The following PRPF19 variants were observed in gnomAD, a reference collection of about 807,000 sequenced individuals.
The protein encoded by PRPF19 is pre-mRNA-processing factor 19.
A neutral mutation model predicts 64.2 loss-of-function variants in PRPF19; 2 were observed. The observed-to-expected ratio is 0.03, with a 90% confidence interval of 0.01 to 0.10. The LOEUF is 0.10. Among genes scored for constraint, PRPF19 ranks in the 10% least tolerant of loss-of-function variants. The probability of loss-of-function intolerance (pLI) is 1.00; values close to 1 mark genes in which losing one functional copy is unlikely to be tolerated. For missense variants in PRPF19, 314 were observed against 650.0 expected (o/e 0.48, Z 5.62); for synonymous variants, 226 against 251.6 (o/e 0.90, Z 0.96).
At chr11:60,906,273 AC>A in intron 1 of PRPF19, 90 bp downstream of exon 1, 1 of 1,491,750 alleles carries the variant, frequency 6.7e-7, no homozygotes, top group Non-Finnish European at 8.9e-7. Flanking sequence ...TCCCGCCTCC[AC>A]CCCGGCCCGG....
At chr11:60,896,224 TA>T (rs968042253) in intron 15 of PRPF19, among the ~76,000 whole-genome samples, 1 of 151,980 alleles carries the variant, frequency 6.6e-6, no homozygotes, top group Non-Finnish European at 1.5e-5. Flanking sequence ...TTCCCACTTA[TA>T]AAAAAAAGTT....
Position 60,903,541 on chromosome 11 carries a change from G to GA in PRPF19, c.170-7dup. The GA allele has an allele frequency of 6.2e-7, 1 of 1,613,788 alleles. No homozygotes were observed. Among genetic ancestry groups the GA allele is most frequent in the Non-Finnish European group, 8.5e-7 (1 of 1,179,844 alleles). ...GGGCCGGATTGGGTGAGCAACTGCC[G>GA]AAAGGGAAAGCAGGTATGAAGAACA... On this transcript the variant is annotated splice_polypyrimidine_tract_variant and splice_region_variant and intron_variant, in intron 2 of 15. Coordinates refer to ENST00000227524, the MANE Select transcript of PRPF19 (RefSeq NM_014502.5).
At chr11:60,897,651 G>A (rs1441428413) in intron 15 of PRPF19, 195 bp downstream of exon 15, 1 of 522,378 alleles carries the variant, frequency 1.9e-6, no homozygotes. Context: ...GCATGGAAGT[G>A]GCAGAACAAG....
At chr11:60,903,956 C>T in intron 1 of PRPF19, 95 bp from the exon 2 acceptor site, 1 of 1,446,800 alleles carries the variant, frequency 6.9e-7, no homozygotes, top group African/African-American at 1.4e-5. Flanking sequence ...GACTAGGCAT[C>T]CTCACACTCA....
At chr11:60,901,254 G>T (rs77664855) in intron 8 of PRPF19, 41 bp downstream of exon 8, 2 of 1,606,374 alleles carry the variant, frequency 1.2e-6, no homozygotes, top group Non-Finnish European at 8.5e-7. Context: ...GAAACAAAAC[G>T]GGAGGGCTGT....
intron 1 of PRPF19, among the ~76,000 whole-genome samples, chr11:60,904,163 C>A (rs1438270062): frequency 6.6e-6 from 1 of 152,182 alleles, no homozygotes; most frequent in Non-Finnish European, 1.5e-5. Flanking sequence ...AGTCCATTAT[C>A]ACCACCTCAT....
chr11:60,901,260 G>A (rs1260361769), intron 8 of PRPF19, 35 bp downstream of exon 8: 2 of 1,607,202 alleles, frequency 1.2e-6, no homozygotes, highest in Admixed American at 1.7e-5. Flanking sequence ...AAACGGGAGG[G>A]CTGTCTCCAA....
chr11:60,904,283 G>C (rs569720996), intron 1 of PRPF19, among the ~76,000 whole-genome samples: 1 of 152,326 alleles, frequency 6.6e-6, no homozygotes, highest in African/African-American at 2.4e-5. Flanking sequence ...GCTCCAGACA[G>C]ATTATCAAAG....
chr11:60,906,210 C>G (rs1346046560), intron 1 of PRPF19, among the ~76,000 whole-genome samples, 154 bp downstream of exon 1: 2 of 152,130 alleles, frequency 1.3e-5, no homozygotes, highest in South Asian at 2.1e-4. Flanking sequence ...CCCGCTCCGA[C>G]GGGGGGGGCT....
chr11:60,898,527 C>T lies in PRPF19; in HGVS notation c.1140+14G>A, dbSNP rs553059774. ...CTGGCCCTGGGCCTCAGATGGAGGC[C>T]TACCATGTCCTACCTTCAAGTCCCA... On this transcript the variant is annotated intron_variant, in intron 13 of 15. Transcript: ENST00000227524. This position sits in a 1 kb window ranked among gnomAD's most constrained non-coding sequence, Gnocchi z 4.6. 6.2e-7 allele frequency: 1 copy of T among 1,614,004 alleles called. No individual in the cohort carries two copies. The highest frequency in any genetic ancestry group is 1.1e-5 in the South Asian group (1 of 90,950).
chr11:60,890,907 C>G lies in PRPF19; in HGVS notation c.*259G>C. Reference sequence around the variant, plus strand: ...CATTGAACGACAGGAAGGGAGAGGCCCTGGGCTCCGACCCTGGGCCTTAAG... The same window carrying G: ...CATTGAACGACAGGAAGGGAGAGGCGCTGGGCTCCGACCCTGGGCCTTAAG... On this transcript the variant is annotated 3_prime_UTR_variant, in exon 16 of 16. Transcript: ENST00000227524. 1 of 583,894 alleles carries G rather than the reference C, an allele frequency of 1.7e-6. No homozygotes were observed. The highest frequency in any genetic ancestry group is 3.2e-6 in the Non-Finnish European group (1 of 311,112). 36.2% of individuals were successfully genotyped at this position (583,894 alleles called of 1,614,324 possible).
chr11:60,899,105 T>C (rs939357287), intron 11 of PRPF19, 44 bp downstream of exon 11: 13 of 1,583,284 alleles, frequency 8.2e-6, no homozygotes, highest in Admixed American at 1.8e-5. Flanking sequence ...ATGTTCAAGC[T>C]TGGGGACCAG....
In PRPF19 at chr11:60,906,539, G is replaced by A; in HGVS notation, c.-157C>T. On this transcript the variant is annotated 5_prime_UTR_variant, in exon 1 of 16. Transcript: ENST00000227524. The stretch of plus-strand genomic sequence containing the variant: ...GATGCTAGCGTAGCGCTTCACGTGG[G>A]AATGGGGACAGCCGCGCGCCACAGC... 1.3e-6 allele frequency: 1 copy of A among 745,588 alleles called. No homozygotes were observed. Among genetic ancestry groups the A allele is most frequent in the East Asian group, 3.0e-5 (1 of 32,926 alleles). The allele number at this position is 745,588 out of a possible 1,614,324, so 46.2% of individuals were successfully genotyped here.
rs369348364 is a variant in PRPF19, at chr11:60,894,656, A to G, written c.1417+3190T>C. Among the ~76,000 whole-genome samples, 55 of 152,320 alleles carry G rather than the reference A, an allele frequency of 3.6e-4. No individual in the cohort carries two copies. The East Asian group carries it at 6.2e-3, about 17-fold the overall frequency. On this transcript the variant is annotated intron_variant, in intron 15 of 15. Transcript: ENST00000227524. ...TTTAACCTCCTCCCATGAATCACAA[A>G]TGTTCTTAAGGGCGTGTAGAATGGT... is the stretch of plus-strand genomic sequence containing the variant.
Position 60,899,238 on chromosome 11 carries a change from C to A in PRPF19, c.895G>T (p.Val299Leu), listed in dbSNP as rs1397732212. The A allele has an allele frequency of 1.2e-6, 2 of 1,613,936 alleles. No individual in the cohort carries two copies. The highest frequency in any genetic ancestry group is 1.3e-5 in the African/African-American group (1 of 75,032). Residue 299 changes from valine (V) to leucine (L), a missense_variant, in exon 11 of 16, where the codon GTA (valine) becomes TTA (leucine). Physicochemically the swap from Val to Leu is conservative, Grantham distance 32. This residue lies in a region of PRPF19 where 175 missense variants were observed against 342.9 expected (regional missense o/e 0.51). Transcript: ENST00000227524. The stretch of plus-strand genomic sequence containing the variant: ...CTCTCATGGGCCCGAACCACCTGTA[C>A]ACAAGAGGCATTGGGGACCGACCAA... ...RIWSVPNASC[V>L]QVVRAHESAV...
chr11:60,895,679 C>T (rs1855912097), intron 15 of PRPF19, among the ~76,000 whole-genome samples: 1 of 152,078 alleles, frequency 6.6e-6, no homozygotes, highest in Admixed American at 6.5e-5. Context: ...TTTTCACATG[C>T]CTTCTTCACT....
At position 60,898,929 on chromosome 11, in the gene PRPF19, G is replaced by A. The variant is rs1219858827; in HGVS notation, c.987C>T (p.Tyr329=). The A allele has an allele frequency of 5.0e-6, 8 of 1,595,176 alleles. No individual in the cohort carries two copies. Among genetic ancestry groups the A allele is most frequent in the Non-Finnish European group, 6.8e-6 (8 of 1,170,112 alleles). The stretch of plus-strand genomic sequence containing the variant: ...CTGTCTGGATGTCAGAGAAAGCCCA[G>A]TACTGGGGAAAAAAAAAGAGACAAT... The part of the protein sequence containing the change: ...DYLLSSSDDQ[Y]WAFSDIQTGR... Residue 329 remains tyrosine (Y), a splice_region_variant and synonymous_variant, in exon 12 of 16, where the codon TAC becomes TAT. Transcript: ENST00000227524. This position sits in a 1 kb window ranked among gnomAD's most constrained non-coding sequence, Gnocchi z 4.6.
At position 60,898,343 on chromosome 11, in the gene PRPF19, T is replaced by C. The variant is rs2134860779; in HGVS notation, c.1141-72A>G. ...AGGAAGAAAATGGGGCTCACCAAAC[T>C]CCTACCTGAGATGTCCCTCACGTCC... On this transcript the variant is annotated intron_variant, in intron 13 of 15. Coordinates refer to ENST00000227524, the MANE Select transcript of PRPF19 (RefSeq NM_014502.5). This position sits in a 1 kb window ranked among gnomAD's most constrained non-coding sequence, Gnocchi z 4.6. 6.4e-7 allele frequency: 1 copy of C among 1,564,062 alleles called. No individual in the cohort carries two copies. The highest frequency in any genetic ancestry group is 2.3e-5 in the East Asian group (1 of 43,832).
chr11:60,906,178 G>C (rs1332849004), intron 1 of PRPF19, among the ~76,000 whole-genome samples, 186 bp downstream of exon 1: 1 of 152,212 alleles, frequency 6.6e-6, no homozygotes, highest in Non-Finnish European at 1.5e-5. Context: ...TATGTAAACT[G>C]CGGGGCACTG....
Sources: allele counts gnomAD v4.1 joint callset (sites outside exome capture counted in the v4.1 genomes callset), GRCh38; gene constraint gnomAD v4.1.1; regional missense constraint gnomAD v4.1.1; non-coding constraint Gnocchi (gnomAD v3.1); transcripts MANE v1.5; gene names NCBI Gene and HGNC (gene_info 2026-07-23, HGNC 2026-07-21).